The following CPNE8 variants were observed in gnomAD, a reference collection of about 807,000 sequenced individuals.
The protein encoded by CPNE8 is copine 8, also known as copine-8.
In CPNE8, 45 loss-of-function variants were observed where a neutral mutation model predicts 81.5. That is an observed-to-expected ratio of 0.55 (90% CI 0.44 to 0.71). CPNE8 has a LOEUF of 0.71. Among genes scored for constraint, CPNE8 ranks in the 30% least tolerant of loss-of-function variants. The pLI is 0.00. For missense variants in CPNE8, 594 were observed against 672.1 expected, an observed-to-expected ratio of 0.88 and a Z score of 1.28; for synonymous variants, 252 against 226.3, an observed-to-expected ratio of 1.11 and a Z score of -1.02.
chr12:38,867,930 T>A (rs1943938996), intron 3 of CPNE8, among the ~76,000 whole-genome samples: 1 of 152,198 alleles, frequency 6.6e-6, no homozygotes, highest in Non-Finnish European at 1.5e-5. Context: ...ATGTTAGAGA[T>A]AATTTTTAAA....
upstream of CPNE8, chr12:38,906,235 G>A: frequency 1.0e-6 from 1 of 985,502 alleles, no homozygotes; most frequent in Non-Finnish European, 1.2e-6. Flanking sequence ...GCCCACTGTC[G>A]GCCACTTGAG....
rs36025286 is a variant in CPNE8, at chr12:38,860,385, CAAAAAAAAA to C, written c.187-11732_187-11724del. On this transcript the variant is annotated intron_variant, in intron 3 of 19. Coordinates refer to ENST00000331366, the MANE Select transcript of CPNE8 (RefSeq NM_153634.3). The stretch of plus-strand genomic sequence containing the variant: ...TCATGCCTGTTAGAATGGCTATTAT[CAAAAAAAAA>C]AAAAAAAAAAAGGAAGAATTGTTTT... Among the ~76,000 whole-genome samples, 4 of 111,316 alleles carry C rather than the reference CAAAAAAAAA, an allele frequency of 3.6e-5. No homozygotes were observed. In the East Asian group the frequency reaches 8.4e-4, roughly 23 times the overall value. 73.0% of individuals were successfully genotyped at this position (111,316 alleles called of 152,430 possible). A position where few individuals can be genotyped will look rare whatever the true frequency, so the allele number is the denominator to read the frequency against.
chr12:38,881,658 A>AT (rs1261592175), intron 1 of CPNE8, among the ~76,000 whole-genome samples: 1 of 152,170 alleles, frequency 6.6e-6, no homozygotes, highest in Non-Finnish European at 1.5e-5. Flanking sequence ...TAACTGTAAA[A>AT]TTTTTTATAT....
chr12:38,661,047 T>G lies in CPNE8; in HGVS notation c.1507-6977A>C, dbSNP rs144870001. ...AGTTCAACTATTGTGGAAGACAGTG[T>G]GGCGATTCCTCAAGGACCTAGAACT... On this transcript the variant is annotated intron_variant, in intron 19 of 19. Coordinates refer to ENST00000331366, the MANE Select transcript of CPNE8 (RefSeq NM_153634.3). 3.3e-5 allele frequency among the ~76,000 whole-genome samples: 5 copies of G among 152,238 alleles called. No individual in the cohort carries two copies. In the South Asian group the frequency reaches 1.0e-3, roughly 31 times the overall value.
intron 19 of CPNE8, among the ~76,000 whole-genome samples, chr12:38,664,582 T>C (rs1490607951): frequency 6.6e-6 from 1 of 152,110 alleles, no homozygotes; most frequent in Non-Finnish European, 1.5e-5. Flanking sequence ...CACTGTTGTT[T>C]CACCTTTTCA....
At chr12:38,795,867 G>GATA (rs1942451420) in intron 6 of CPNE8, among the ~76,000 whole-genome samples, 22 of 148,256 alleles carry the variant, frequency 1.5e-4, no homozygotes, top group Middle Eastern at 3.4e-3. Context: ...ATGGATGGAT[G>GATA]GATAGATAGA....
intron 6 of CPNE8, among the ~76,000 whole-genome samples, chr12:38,796,019 G>C (rs1486305866): frequency 2.0e-5 from 3 of 152,168 alleles, no homozygotes; most frequent in Non-Finnish European, 2.9e-5. Context: ...CCAGCACTTT[G>C]AGAGGCCGAG....
intron 7 of CPNE8, among the ~76,000 whole-genome samples, chr12:38,773,229 A>C (rs1941844700): frequency 6.6e-6 from 1 of 152,240 alleles, no homozygotes; most frequent in East Asian, 1.9e-4. Context: ...AGTCATAGAG[A>C]TCTACTATAT....
intron 13 of CPNE8, 36 bp from the exon 14 acceptor site, chr12:38,702,957 A>G (rs1263590531): frequency 7.3e-7 from 1 of 1,370,914 alleles, no homozygotes; most frequent in Non-Finnish European, 1.0e-6. Context: ...TTAATAATGA[A>G]ATAACCTGAT....
At chr12:38,882,700 C>T (rs1344178101) in intron 1 of CPNE8, among the ~76,000 whole-genome samples, 1 of 152,146 alleles carries the variant, frequency 6.6e-6, no homozygotes, top group Admixed American at 6.5e-5. Context: ...CCATTACCTC[C>T]AGAAATTCCA....
intron 6 of CPNE8, among the ~76,000 whole-genome samples, chr12:38,799,826 G>A (rs532780566): frequency 3.4e-4 from 51 of 148,796 alleles, no homozygotes; most frequent in Admixed American, 1.1e-3. Context: ...GAAGCAGGGC[G>A]AGGCATTGCC....
At chr12:38,799,903 C>T (rs1451895433) in intron 6 of CPNE8, among the ~76,000 whole-genome samples, 3 of 151,876 alleles carry the variant, frequency 2.0e-5, no homozygotes, top group Non-Finnish European at 2.9e-5. Flanking sequence ...GACTGACGCA[C>T]CTGGAAAATC....
intron 6 of CPNE8, among the ~76,000 whole-genome samples, chr12:38,779,945 C>T (rs1942011298): frequency 6.6e-6 from 1 of 152,022 alleles, no homozygotes; most frequent in African/African-American, 2.4e-5. Flanking sequence ...ATATTTGGAA[C>T]AGAATAGGGA....
chr12:38,773,936 C>A (rs560828209), intron 7 of CPNE8, among the ~76,000 whole-genome samples: 2 of 151,730 alleles, frequency 1.3e-5, no homozygotes, highest in Non-Finnish European at 1.5e-5. Flanking sequence ...TGAAGTTACA[C>A]CAAGATTTTA....
intron 19 of CPNE8, among the ~76,000 whole-genome samples, chr12:38,655,994 A>G (rs775898576): frequency 2.6e-4 from 40 of 151,470 alleles, no homozygotes; most frequent in Non-Finnish European, 4.6e-4. Flanking sequence ...AACTAACAAT[A>G]AATGCGATCT....
At chr12:38,696,168 C>T (rs940169683) in intron 14 of CPNE8, among the ~76,000 whole-genome samples, 1 of 152,034 alleles carries the variant, frequency 6.6e-6, no homozygotes, top group Non-Finnish European at 1.5e-5. Context: ...TATCTCTTTC[C>T]AGCATCTTCC....
intron 10 of CPNE8, among the ~76,000 whole-genome samples, chr12:38,743,031 T>C (rs1941145696): frequency 6.6e-6 from 1 of 152,220 alleles, no homozygotes; most frequent in South Asian, 2.1e-4. Context: ...TACACAATAG[T>C]AATTAATATA....
At chr12:38,805,724 A>C (rs1410242464) in intron 6 of CPNE8, among the ~76,000 whole-genome samples, 1 of 148,370 alleles carries the variant, frequency 6.7e-6, no homozygotes, top group African/African-American at 2.4e-5. Context: ...CACATTCAAA[A>C]GCTAGCAGAA....
intron 6 of CPNE8, among the ~76,000 whole-genome samples, chr12:38,776,625 C>T (rs1941944717): frequency 1.3e-5 from 2 of 151,988 alleles, no homozygotes; most frequent in African/African-American, 4.8e-5. Context: ...TGAGACTAAA[C>T]TTTCAACATA....
Sources: allele counts gnomAD v4.1 joint callset (sites outside exome capture counted in the v4.1 genomes callset), GRCh38; gene constraint gnomAD v4.1.1; transcripts MANE v1.5; gene names NCBI Gene and HGNC (gene_info 2026-07-23, HGNC 2026-07-21).